Variants in TONSL observed in about 807,000 individuals in gnomAD.
TONSL encodes the protein tonsoku-like protein.
TONSL carries 112 observed loss-of-function variants against 147.1 expected under a neutral mutation model. The ratio of observed to expected loss-of-function variants is 0.76; its 90% CI spans 0.65 to 0.89. TONSL has a LOEUF of 0.89. TONSL is among the 40% of genes least tolerant of loss of function. The pLI is 0.00. For synonymous variants in TONSL, 868 were observed against 801.5 expected, an observed-to-expected ratio of 1.08 and a Z score of -1.40; for missense variants, 1,883 against 1,864.6, an observed-to-expected ratio of 1.01 and a Z score of -0.18.
At position 144,440,788 on chromosome 8, in the gene TONSL, A is replaced by G. The variant is rs367902267; in HGVS notation, c.1094T>C (p.Met365Thr). ...HVSLATTLGDMKDHHGAVRHY... is the reference protein window; with the variant it reads ...HVSLATTLGDTKDHHGAVRHY... ...GCGCACGGCCCCATGGTGGTCCTTC[A>G]TGTCTCCCAGTGTGGTGGCCAGGGA... is the stretch of plus-strand genomic sequence containing the variant. Residue 365 changes from methionine (M) to threonine (T), a missense_variant, in exon 9 of 26, where the codon ATG becomes ACG. Coordinates refer to ENST00000409379, the MANE Select transcript of TONSL (RefSeq NM_013432.5). 3 of 1,612,726 alleles carry G rather than the reference A, an allele frequency of 1.9e-6. No individual in the cohort carries two copies. Among genetic ancestry groups the G allele is most frequent in the Non-Finnish European group, 2.5e-6 (3 of 1,179,972 alleles).
At position 144,433,989 on chromosome 8, in the gene TONSL, C is replaced by G; in HGVS notation, c.3376G>C (p.Ala1126Pro). ...CTCTGTGCCTATACCTGCAAGGTGGCTTGGCCTGGGAGCCCCATGGCAAGC... is the reference window on the plus strand; with the variant it reads ...CTCTGTGCCTATACCTGCAAGGTGGGTTGGCCTGGGAGCCCCATGGCAAGC... Reference protein sequence around the residue: ...RQLAMGLPGQATLQSLEELDL... With the variant: ...RQLAMGLPGQPTLQSLEELDL... Residue 1126 changes from alanine to proline, a missense_variant, in exon 21 of 26, where the codon GCC becomes CCC. Physicochemically the swap from Ala to Pro is conservative, Grantham distance 27 (BLOSUM62 -1). Transcript: ENST00000409379. The G allele has an allele frequency of 6.3e-7, 1 of 1,587,292 alleles. No homozygotes were observed.
In TONSL at chr8:144,435,497, G is replaced by C. The variant is rs1415506710; in HGVS notation, c.2829C>G (p.Leu943=). Residue 943 remains leucine, a synonymous_variant, in exon 18 of 26, where the codon CTC becomes CTG. Transcript: ENST00000409379. ...ACCTGTGTGGGACAGGGATGAGGAAGAGATGATCCTGAACTTGAACTCGAA... is the reference window on the plus strand; with the variant it reads ...ACCTGTGTGGGACAGGGATGAGGAACAGATGATCCTGAACTTGAACTCGAA... ...IRVRVQVQDH[L]FLIPVPHSSD... 6.5e-7 allele frequency: 1 copy of C among 1,549,114 alleles called. No homozygotes were observed. Among genetic ancestry groups the C allele is most frequent in the African/African-American group, 1.4e-5 (1 of 73,054 alleles).
intron 3 of TONSL, among the ~76,000 whole-genome samples, chr8:144,443,568 G>A (rs1050676865): frequency 2.0e-5 from 3 of 152,030 alleles, no homozygotes; most frequent in Non-Finnish European, 2.9e-5. Context: ...TGGCGGGGGG[G>A]TTGCAGTCCT....
rs145201012 is a variant in TONSL at position 144,442,281 on chromosome 8, T to C, written c.710A>G (p.Lys237Arg). Residue 237 changes from lysine (K) to arginine (R), a missense_variant, in exon 6 of 26, where the codon AAG becomes AGG. By Grantham distance (26) the Lys-to-Arg change is conservative. Transcript: ENST00000409379. ...GCAGCACTCGCTCTCCATGAACCGC[T>C]TCCTCATGGTGTGCGCACACTCCCG... is the stretch of plus-strand genomic sequence containing the variant. ...GARECAHTMR[K>R]RFMESECCVV... 1.4e-4 allele frequency: 225 copies of C among 1,596,246 alleles called. No homozygotes were observed. The African/African-American group carries it at 2.7e-3, about 19-fold the overall frequency.
Position 144,434,877 on chromosome 8 carries a change from C to A in TONSL, c.3019G>T (p.Val1007Leu). 1 of 1,613,420 alleles carries A rather than the reference C, an allele frequency of 6.2e-7. No individual in the cohort carries two copies. Among genetic ancestry groups the A allele is most frequent in the Non-Finnish European group, 8.5e-7 (1 of 1,179,952 alleles). The change falls in exon 20 of 26, where the codon GTG (valine) becomes TTG (leucine). Residue 1007 changes from valine (V) to leucine (L), a missense_variant. Physicochemically the swap from Val to Leu is conservative, Grantham distance 32. Transcript: ENST00000409379. The part of the protein sequence containing the change: ...LQSNDEVLAE[V>L]TSWDLPPLTD... ...AACGGGGGCAGGTCCCACGAAGTCA[C>A]CTCAGCCAACACCTGGAAGGCACCG...
intron 11 of TONSL, among the ~76,000 whole-genome samples, chr8:144,438,959 G>A (rs905700850): frequency 6.6e-6 from 1 of 152,070 alleles, no homozygotes; most frequent in African/African-American, 2.4e-5. Context: ...CCATCCCTCT[G>A]CCCACTTGAG....
In TONSL at chr8:144,442,744, T is replaced by C; in HGVS notation, c.511A>G (p.Thr171Ala). ...RTRLYLNLGL[T>A]FESLQQTALC... ...GCTGTCTGCTGCAGGCTCTCAAAGG[T>C]GAGGCCCAGGTTGAGATAGAGGCGG... is the stretch of plus-strand genomic sequence containing the variant. Residue 171 changes from threonine (T) to alanine (A), a missense_variant, in exon 5 of 26, where the codon ACC (threonine) becomes GCC (alanine). Physicochemically the swap from Thr to Ala is moderately conservative, Grantham distance 58. Coordinates refer to ENST00000409379, the MANE Select transcript of TONSL (RefSeq NM_013432.5). 1 of 1,613,008 alleles carries C rather than the reference T, an allele frequency of 6.2e-7. No homozygotes were observed. The highest frequency in any genetic ancestry group is 8.5e-7 in the Non-Finnish European group (1 of 1,179,948).
chr8:144,434,620 A>G (rs563289393), intron 20 of TONSL, among the ~76,000 whole-genome samples, 191 bp downstream of exon 20: 15 of 152,294 alleles, frequency 9.8e-5, no homozygotes, highest in African/African-American at 3.6e-4. Context: ...CCCTGTCAGC[A>G]GATCATGGGG....
intron 11 of TONSL, 70 bp downstream of exon 11, chr8:144,439,951 G>T: frequency 2.7e-6 from 2 of 749,054 alleles, no homozygotes; most frequent in East Asian, 2.5e-5. Context: ...CTCCACAGCA[G>T]CACAGCACAC....
chr8:144,440,567 G>A (rs1033777313), intron 9 of TONSL, 91 bp from the exon 10 acceptor site: 1 of 1,522,906 alleles, frequency 6.6e-7, no homozygotes. Flanking sequence ...AGACGAAATG[G>A]GAGCCCGGCC....
rs369707746 is a variant in TONSL, at chr8:144,436,455, G to C, written c.2015-37C>G. 3.5e-4 allele frequency: 543 copies of C among 1,535,272 alleles called. 9 individuals are homozygous for C. In the South Asian group the frequency reaches 5.6e-3, roughly 16 times the overall value. On this transcript the variant is annotated intron_variant, in intron 16 of 25. Coordinates refer to ENST00000409379, the MANE Select transcript of TONSL (RefSeq NM_013432.5). ...AGAATGCGTGTTGAGGCAGGGGCCC[G>C]GCACCTCCCGCTCCACCTGTGATGG...
In TONSL at chr8:144,434,252, A is replaced by G. The variant is rs1586684901; in HGVS notation, c.3113T>C (p.Val1038Ala). The G allele has an allele frequency of 1.3e-6, 2 of 1,522,484 alleles. No homozygotes were observed. The highest frequency in any genetic ancestry group is 1.8e-6 in the Non-Finnish European group (2 of 1,133,420). 94.3% of individuals were successfully genotyped at this position (1,522,484 alleles called of 1,614,324 possible). ...CGAGAGGCCCAAGCCCTGGAGCTCC[A>G]CGGCCTGCAGCACCTGTTGGTGCTC... is the stretch of plus-strand genomic sequence containing the variant. ...QGEHQQVLQA[V>A]ELQGLGLSFS... Residue 1038 changes from valine to alanine, a missense_variant, in exon 21 of 26, where the codon GTG becomes GCG. Transcript: ENST00000409379.
chr8:144,434,988 C>G (rs1485036593), intron 19 of TONSL, 29 bp downstream of exon 19: 5 of 1,611,780 alleles, frequency 3.1e-6, no homozygotes, highest in Non-Finnish European at 4.2e-6. Flanking sequence ...TGCCTGAGGC[C>G]CTGGCTCCCC....
Position 144,436,208 on chromosome 8 carries a change from C to T in TONSL, c.2225G>A (p.Ser742Asn), listed in dbSNP as rs751121397. Residue 742 changes from serine (S) to asparagine (N), a missense_variant, in exon 17 of 26, where the codon AGC becomes AAC. Transcript: ENST00000409379. ...TGCGCTGTCCTCGCCTTCTGAGCTG[C>T]TGCTGCTGCTGGCTGGCCCATGCCT... The part of the protein sequence containing the change: ...RSRHGPASSS[S>N]SSEGEDSAGP... 15 of 1,566,250 alleles carry T rather than the reference C, an allele frequency of 9.6e-6. No individual in the cohort carries two copies. Among genetic ancestry groups the T allele is most frequent in the Non-Finnish European group, 1.3e-5 (15 of 1,159,078 alleles).
intron 25 of TONSL, 113 bp from the exon 26 acceptor site, chr8:144,429,449 CG>C (rs368876013): frequency 2.0e-6 from 2 of 1,021,638 alleles, no homozygotes; most frequent in African/African-American, 3.4e-5. Flanking sequence ...AGGGCTGTAG[CG>C]AGGGGCAGTG....
At chr8:144,437,327 G>C (rs931555074) in intron 13 of TONSL, among the ~76,000 whole-genome samples, 1 of 152,190 alleles carries the variant, frequency 6.6e-6, no homozygotes, top group Non-Finnish European at 1.5e-5. Context: ...GTGCCTGCCC[G>C]GTCCCCTTGT....
At chr8:144,433,946 T>C (rs1554879301) in intron 21 of TONSL, 32 bp downstream of exon 21, 3 of 1,530,942 alleles carry the variant, frequency 2.0e-6, no homozygotes, top group Non-Finnish European at 1.8e-6. Flanking sequence ...AACTCCCCGC[T>C]GTTGAGGGCC....
In TONSL at chr8:144,436,342, G is replaced by C; in HGVS notation, c.2091C>G (p.Pro697=). The C allele has an allele frequency of 6.7e-7, 1 of 1,502,340 alleles. No homozygotes were observed. The highest frequency in any genetic ancestry group is 8.8e-7 in the Non-Finnish European group (1 of 1,132,940). The allele number at this position is 1,502,340 out of a possible 1,614,324, so 93.1% of individuals were successfully genotyped here. The change falls in exon 17 of 26, where the codon CCC becomes CCG. Residue 697 remains proline, a synonymous_variant. Transcript: ENST00000409379. The part of the protein sequence containing the change: ...FDPETSPPLS[P]CPEPPSNSTR... ...TGCTATTAGAGGGGGGTTCTGGGCA[G>C]GGGCTCAAAGGAGGAGAGGTCTCGG... is the stretch of plus-strand genomic sequence containing the variant.
intron 7 of TONSL, chr8:144,441,715 C>A: frequency 3.2e-6 from 1 of 315,972 alleles, no homozygotes; most frequent in Non-Finnish European, 5.9e-6. Flanking sequence ...TCCTCTCCCA[C>A]CCTGGGAGGC....
Sources: allele counts gnomAD v4.1 joint callset (sites outside exome capture counted in the v4.1 genomes callset), GRCh38; gene constraint gnomAD v4.1.1; transcripts MANE v1.5; gene names NCBI Gene and HGNC (gene_info 2026-07-23, HGNC 2026-07-21).